Variants in GRIN2B observed in about 807,000 individuals in gnomAD.
The protein encoded by GRIN2B is glutamate receptor ionotropic, NMDA 2B.
A neutral mutation model predicts 114.5 loss-of-function variants in GRIN2B; 5 were observed. That is an observed-to-expected ratio of 0.04 (90% CI 0.02 to 0.09). The LOEUF is 0.09. GRIN2B is among the 10% of genes least tolerant of loss of function. The pLI, the probability that GRIN2B is intolerant of heterozygous loss-of-function variation, is 1.00. For synonymous variants in GRIN2B, 787 were observed against 745.1 expected (o/e 1.06, Z -0.92); for missense variants, 1,108 against 1,943.5 (o/e 0.57, Z 8.08).
In GRIN2B at chr12:13,543,043, A is replaced by G. The variant is rs778544291; in HGVS notation, c.*19740T>C. 7 of 152,184 alleles carry G rather than the reference A, an allele frequency of 4.6e-5. No individual in the cohort carries two copies. Among genetic ancestry groups the G allele is most frequent in the Non-Finnish European group, 1.0e-4 (7 of 68,032 alleles). The allele number at this position is 152,184 out of a possible 1,614,324, so 9.4% of individuals were successfully genotyped here. On this transcript the variant is annotated 3_prime_UTR_variant, in exon 14 of 14. Coordinates refer to ENST00000609686, the MANE Select transcript of GRIN2B (RefSeq NM_000834.5). The stretch of plus-strand genomic sequence containing the variant: ...CTAGCTGCACCCCTTACTTGATGCA[A>G]TGATTGAAATGTTCTCGAATCACTC...
chr12:13,587,995 T>A (rs1948954142), intron 10 of GRIN2B, among the ~76,000 whole-genome samples: 1 of 152,194 alleles, frequency 6.6e-6, no homozygotes, highest in Non-Finnish European at 1.5e-5. Flanking sequence ...AGTTTAAACA[T>A]GCAAATTAGA....
At chr12:13,780,671 T>C (rs1245070573) in intron 3 of GRIN2B, among the ~76,000 whole-genome samples, 1 of 152,164 alleles carries the variant, frequency 6.6e-6, no homozygotes, top group Non-Finnish European at 1.5e-5. Context: ...GTTTATAACA[T>C]GACGTGGCAG....
At position 13,816,493 on chromosome 12, in the gene GRIN2B, T is replaced by C. The variant is rs375213774; in HGVS notation, c.411+49305A>G. ...GAGATTTCAATGATAAAGTCACAGT[T>C]TGGATAAGATACCAGCAGGCTTTTT... On this transcript the variant is annotated intron_variant, in intron 3 of 13. Coordinates refer to ENST00000609686, the MANE Select transcript of GRIN2B (RefSeq NM_000834.5). Among the ~76,000 whole-genome samples, 10 of 152,280 alleles carry C rather than the reference T, an allele frequency of 6.6e-5. No individual in the cohort carries two copies. The East Asian group carries it at 7.7e-4, about 12-fold the overall frequency.
intron 2 of GRIN2B, among the ~76,000 whole-genome samples, chr12:13,933,214 A>C (rs219891): frequency 0.86 from 131,190 of 152,078 alleles, 56,691 homozygotes; most frequent in East Asian, 0.99. Context: ...TGCAAATAGT[A>C]CCTTTAACAA....
chr12:13,540,542 T>C lies in GRIN2B; in HGVS notation c.*22241A>G, dbSNP rs1948264309. The C allele has an allele frequency of 7.5e-6, 1 of 133,262 alleles. No individual in the cohort carries two copies. Among genetic ancestry groups the C allele is most frequent in the Admixed American group, 8.2e-5 (1 of 12,134 alleles). 8.3% of individuals were successfully genotyped at this position (133,262 alleles called of 1,614,324 possible). ...AAATCAAAAGAATGAAATCAACTTATTTCTTTTGTTTAAAGGTAAGTCATT... is the reference window on the plus strand; with the variant it reads ...AAATCAAAAGAATGAAATCAACTTACTTCTTTTGTTTAAAGGTAAGTCATT... On this transcript the variant is annotated 3_prime_UTR_variant, in exon 14 of 14. Transcript: ENST00000609686.
At chr12:13,717,606 T>C (rs150336279) in intron 4 of GRIN2B, among the ~76,000 whole-genome samples, 8 of 152,064 alleles carry the variant, frequency 5.3e-5, no homozygotes, top group African/African-American at 1.7e-4. Context: ...TGAATGATAA[T>C]GCAGTAGACG....
At chr12:13,835,332 C>T (rs914036739) in intron 3 of GRIN2B, among the ~76,000 whole-genome samples, 20 of 152,102 alleles carry the variant, frequency 1.3e-4, no homozygotes, top group African/African-American at 4.6e-4. Flanking sequence ...GGCGCATGCA[C>T]CCTCATTTAT....
intron 2 of GRIN2B, among the ~76,000 whole-genome samples, chr12:13,922,675 A>T (rs1866843525): frequency 6.6e-6 from 1 of 152,236 alleles, no homozygotes; most frequent in Non-Finnish European, 1.5e-5. Context: ...TCTGGAAAAG[A>T]GACAAACAAA....
rs558153382 is a variant in GRIN2B, at chr12:13,766,550, G to A, written c.412-12635C>T. Among the ~76,000 whole-genome samples, 38 of 152,250 alleles carry A rather than the reference G, an allele frequency of 2.5e-4. 1 individual carries two copies. In the South Asian group the frequency reaches 3.5e-3, roughly 14 times the overall value. On this transcript the variant is annotated intron_variant, in intron 3 of 13. Coordinates refer to ENST00000609686, the MANE Select transcript of GRIN2B (RefSeq NM_000834.5). ...CCTCTGATATCGAGTCTCAGCTAAT[G>A]GGCATACCATAGAGTATCACGTCCA...
chr12:13,948,407 C>T (rs1479170009), intron 2 of GRIN2B, among the ~76,000 whole-genome samples: 3 of 152,270 alleles, frequency 2.0e-5, no homozygotes, highest in East Asian at 3.9e-4. Flanking sequence ...TGAAAGAGCA[C>T]TGTAAATAGC....
chr12:13,942,464 G>T (rs1867277410), intron 2 of GRIN2B, among the ~76,000 whole-genome samples: 1 of 152,036 alleles, frequency 6.6e-6, no homozygotes, highest in Non-Finnish European at 1.5e-5. Flanking sequence ...AAATGTTAAG[G>T]GCTAGAATGT....
rs1948364347 is a variant in GRIN2B, at chr12:13,547,972, TA to T, written c.*14810del. ...ATGTATGTGTGTGTATATATATATA[TA>T]TATATATATTTTTTTTTTTTTTCTG... On this transcript the variant is annotated 3_prime_UTR_variant, in exon 14 of 14. Coordinates refer to ENST00000609686, the MANE Select transcript of GRIN2B (RefSeq NM_000834.5). The T allele has an allele frequency of 1.4e-5, 1 of 73,280 alleles. No homozygotes were observed. Among genetic ancestry groups the T allele is most frequent in the African/African-American group, 5.1e-5 (1 of 19,574 alleles). The allele number at this position is 73,280 out of a possible 1,614,324, so 4.5% of individuals were successfully genotyped here. A position where few individuals can be genotyped will look rare whatever the true frequency, so the allele number is the denominator to read the frequency against.
intron 3 of GRIN2B, among the ~76,000 whole-genome samples, chr12:13,859,045 C>G (rs1406829868): frequency 6.6e-6 from 1 of 152,228 alleles, no homozygotes; most frequent in East Asian, 1.9e-4. Flanking sequence ...TAAGCACCAA[C>G]TGTCTACCAT....
chr12:13,936,733 C>A (rs1867135801), intron 2 of GRIN2B, among the ~76,000 whole-genome samples: 2 of 151,948 alleles, frequency 1.3e-5, no homozygotes, highest in African/African-American at 4.8e-5. Context: ...AACTTTAAGG[C>A]AGCTATTATA....
chr12:13,606,891 A>C (rs957081821), intron 10 of GRIN2B, among the ~76,000 whole-genome samples: 3 of 151,966 alleles, frequency 2.0e-5, no homozygotes, highest in African/African-American at 7.3e-5. Context: ...AAGCTTCCAA[A>C]TAAGAGAGAA....
At chr12:13,958,170 T>C (rs554713954) in intron 2 of GRIN2B, among the ~76,000 whole-genome samples, 95 of 152,326 alleles carry the variant, frequency 6.2e-4, no homozygotes, top group South Asian at 2.1e-4. Context: ...AGAGCACTAA[T>C]TAGGATTAAT....
intron 3 of GRIN2B, among the ~76,000 whole-genome samples, chr12:13,770,918 T>A (rs924325577): frequency 4.6e-5 from 7 of 152,188 alleles, no homozygotes; most frequent in Non-Finnish European, 1.0e-4. Flanking sequence ...CCGTATTTCT[T>A]CCCTAGGTGC....
intron 2 of GRIN2B, among the ~76,000 whole-genome samples, chr12:13,945,311 A>C (rs1275237743): frequency 6.6e-6 from 1 of 152,162 alleles, no homozygotes; most frequent in Non-Finnish European, 1.5e-5. Flanking sequence ...CAGGGTGGTA[A>C]GCATTTTTAT....
intron 5 of GRIN2B, 60 bp from the exon 6 acceptor site, chr12:13,616,717 T>C (rs769317783): frequency 1.4e-5 from 19 of 1,346,458 alleles, no homozygotes; most frequent in Non-Finnish European, 1.8e-5. Context: ...AAACAGCCTG[T>C]CCCAGTATTG....
Sources: allele counts gnomAD v4.1 joint callset (sites outside exome capture counted in the v4.1 genomes callset), GRCh38; gene constraint gnomAD v4.1.1; transcripts MANE v1.5; gene names NCBI Gene and HGNC (gene_info 2026-07-23, HGNC 2026-07-21).